Variants in KISS1 observed in about 807,000 individuals in gnomAD.
KISS1 encodes the protein KiSS-1 metastasis suppressor.
For missense variants in KISS1, 182 were observed against 182.7 expected, an observed-to-expected ratio of 1.00 and a Z score of 0.02; for synonymous variants, 97 against 88.7, an observed-to-expected ratio of 1.09 and a Z score of -0.52.
rs916759734 is a variant in KISS1 at position 204,192,036 on chromosome 1, T to C, written c.103+738A>G. ...TGCTCTGGAAGGTCTTATGGGCATA[T>C]ACGATGACATCAAATGTGTAGAGGG... On this transcript the variant is annotated intron_variant, in intron 2 of 2. Coordinates refer to ENST00000367194, the MANE Select transcript of KISS1 (RefSeq NM_002256.4). This position sits in a 1 kb window ranked among gnomAD's most constrained non-coding sequence, Gnocchi z 4.2. Among the ~76,000 whole-genome samples the C allele has an allele frequency of 6.6e-6, 1 of 152,142 alleles. No individual in the cohort carries two copies. Among genetic ancestry groups the C allele is most frequent in the Non-Finnish European group, 1.5e-5 (1 of 68,026 alleles).
intron 1 of KISS1, among the ~76,000 whole-genome samples, chr1:204,194,607 T>G (rs1328443511): frequency 1.3e-5 from 2 of 152,158 alleles, no homozygotes; most frequent in Non-Finnish European, 2.9e-5. Flanking sequence ...CAGCAGATCA[T>G]TTCAAAATAA....
Position 204,190,429 on chromosome 1 carries a change from C to CCCCCCCCCCCCCT in KISS1, c.*54_*55insAGGGGGGGGGGGG. On this transcript the variant is annotated 3_prime_UTR_variant, in exon 3 of 3. Coordinates refer to ENST00000367194, the MANE Select transcript of KISS1 (RefSeq NM_002256.4). ...CTACGTCCCCGCCCCCCGCCCCCGCCCCGCATGCTCTGACTCCTTTGGGGT... is the reference window on the plus strand; with the variant it reads ...CTACGTCCCCGCCCCCCGCCCCCGCCCCCCCCCCCCCCTCCGCATGCTCTGACTCCTTTGGGGT... 2.0e-6 allele frequency: 2 copies of CCCCCCCCCCCCCT among 998,576 alleles called. No individual in the cohort carries two copies. Among genetic ancestry groups the CCCCCCCCCCCCCT allele is most frequent in the South Asian group, 1.4e-5 (1 of 73,308 alleles). The allele number at this position is 998,576 out of a possible 1,614,324, so 61.9% of individuals were successfully genotyped here. A position where few individuals can be genotyped will look rare whatever the true frequency, so the allele number is the denominator to read the frequency against.
chr1:204,190,843 T>C (rs749895457), intron 2 of KISS1, 46 bp from the exon 3 acceptor site: 27 of 1,523,858 alleles, frequency 1.8e-5, no homozygotes, highest in Non-Finnish European at 2.3e-5. Flanking sequence ...CCGGGAAAGA[T>C]GGCTTTGCAA....
chr1:204,195,221 CCATACACATATACACGCAT>C, intron 1 of KISS1, among the ~76,000 whole-genome samples: 1 of 136,400 alleles, frequency 7.3e-6, no homozygotes, highest in Admixed American at 7.3e-5. Context: ...ACGCACACAC[CCATACACATATACACGCAT>C]ACACCCATAC....
At position 204,190,394 on chromosome 1, in the gene KISS1, T is replaced by G; in HGVS notation, c.*90A>C. ...TCGGGTTGGAAGCTCCAGCGCCCCC[T>G]CCCTTAGCCCTACGTCCCCGCCCCC... On this transcript the variant is annotated 3_prime_UTR_variant, in exon 3 of 3. Coordinates refer to ENST00000367194, the MANE Select transcript of KISS1 (RefSeq NM_002256.4). The G allele has an allele frequency of 6.7e-6, 7 of 1,050,602 alleles. No homozygotes were observed. Among genetic ancestry groups the G allele is most frequent in the East Asian group, 2.7e-5 (1 of 37,010 alleles). The allele number at this position is 1,050,602 out of a possible 1,614,324, so 65.1% of individuals were successfully genotyped here.
chr1:204,190,409 T>TGC lies in KISS1; in HGVS notation c.*74_*75insGC. On this transcript the variant is annotated 3_prime_UTR_variant, in exon 3 of 3. Transcript: ENST00000367194. The stretch of plus-strand genomic sequence containing the variant: ...CAGCGCCCCCTCCCTTAGCCCTACG[T>TGC]CCCCGCCCCCCGCCCCCGCCCCGCA... The TGC allele has an allele frequency of 5.3e-5, 30 of 570,034 alleles. 1 individual carries two copies. Among genetic ancestry groups the TGC allele is most frequent in the East Asian group, 1.9e-4 (5 of 26,780 alleles). The allele number at this position is 570,034 out of a possible 1,614,324, so 35.3% of individuals were successfully genotyped here.
chr1:204,193,032 G>A (rs1016715137), intron 1 of KISS1, 118 bp from the exon 2 acceptor site: 1 of 685,932 alleles, frequency 1.5e-6, no homozygotes, highest in African/African-American at 1.8e-5. Flanking sequence ...TCTTGCCTTT[G>A]GAGGCTCCTG....
intron 1 of KISS1, among the ~76,000 whole-genome samples, chr1:204,195,476 T>TATACGCATACAC (rs1658840199): frequency 2.2e-5 from 2 of 92,856 alleles, no homozygotes. Flanking sequence ...CATACACACA[T>TATACGCATACAC]CCATACATAC....
In KISS1 at chr1:204,192,756, T is replaced by TC; in HGVS notation, c.103+17dup. The stretch of plus-strand genomic sequence containing the variant: ...ACCCACTTGCTCCCTCCCACTCCTT[T>TC]CCCCAGAGGATACATACCTGTGGGT... On this transcript the variant is annotated intron_variant, in intron 2 of 2. Coordinates refer to ENST00000367194, the MANE Select transcript of KISS1 (RefSeq NM_002256.4). The surrounding 1 kb of genome is among the most constrained non-coding windows in gnomAD (Gnocchi z 4.2). 2 of 1,513,270 alleles carry TC rather than the reference T, an allele frequency of 1.3e-6. No individual in the cohort carries two copies. The highest frequency in any genetic ancestry group is 9.1e-7 in the Non-Finnish European group (1 of 1,099,310). 93.7% of individuals were successfully genotyped at this position (1,513,270 alleles called of 1,614,324 possible).
At position 204,193,046 on chromosome 1, in the gene KISS1, G is replaced by T. The variant is rs554867835; in HGVS notation, c.-38-132C>A. 3 of 677,322 alleles carry T rather than the reference G, an allele frequency of 4.4e-6. No individual in the cohort carries two copies. In the African/African-American group the frequency reaches 5.3e-5, roughly 12 times the overall value. 42.0% of individuals were successfully genotyped at this position (677,322 alleles called of 1,614,324 possible). A position where few individuals can be genotyped will look rare whatever the true frequency, so the allele number is the denominator to read the frequency against. On this transcript the variant is annotated intron_variant, in intron 1 of 2. Transcript: ENST00000367194. ...TTCTTGCCTTTGGAGGCTCCTGGTAGAGGGATGAGTCTAAACAAATATATC... is the reference window on the plus strand; with the variant it reads ...TTCTTGCCTTTGGAGGCTCCTGGTATAGGGATGAGTCTAAACAAATATATC...
At position 204,190,407 on chromosome 1, in the gene KISS1, C is replaced by CGGGGGGGGGG; in HGVS notation, c.*76_*77insCCCCCCCCCC. On this transcript the variant is annotated 3_prime_UTR_variant, in exon 3 of 3. Transcript: ENST00000367194. ...TCCAGCGCCCCCTCCCTTAGCCCTA[C>CGGGGGGGGGG]GTCCCCGCCCCCCGCCCCCGCCCCG... 1 of 779,254 alleles carries CGGGGGGGGGG rather than the reference C, an allele frequency of 1.3e-6. No homozygotes were observed. The highest frequency in any genetic ancestry group is 2.0e-6 in the Non-Finnish European group (1 of 493,566). The allele number at this position is 779,254 out of a possible 1,614,324, so 48.3% of individuals were successfully genotyped here.
chr1:204,192,804 C>G lies in KISS1; in HGVS notation c.73G>C (p.Val25Leu). 6.3e-7 allele frequency: 1 copy of G among 1,599,652 alleles called. No individual in the cohort carries two copies. Residue 25 changes from valine (V) to leucine (L), a missense_variant, in exon 2 of 3, where the codon GTG becomes CTG. By Grantham distance (32) the Val-to-Leu change is conservative (BLOSUM62 1). Transcript: ENST00000367194. This position sits in a 1 kb window ranked among gnomAD's most constrained non-coding sequence, Gnocchi z 4.2. ...ATHFGEPLEK[V>L]ASVGNSRPTG... ...GGTCTAGAATTCCCCACAGAGGCCA[C>G]CTTTTCTAATGGCTCCCCAAAGTGG...
chr1:204,191,649 G>A (rs867561444), intron 2 of KISS1, among the ~76,000 whole-genome samples: 1 of 152,234 alleles, frequency 6.6e-6, no homozygotes, highest in South Asian at 2.1e-4. Flanking sequence ...ATGTGCTGGG[G>A]CGGCAGTTGG....
Position 204,192,973 on chromosome 1 carries a change from AGG to A in KISS1, c.-38-61_-38-60del. The A allele has an allele frequency of 1.2e-6, 1 of 856,504 alleles. No individual in the cohort carries two copies. The highest frequency in any genetic ancestry group is 1.9e-6 in the Non-Finnish European group (1 of 520,690). The allele number at this position is 856,504 out of a possible 1,614,324, so 53.1% of individuals were successfully genotyped here. On this transcript the variant is annotated intron_variant, in intron 1 of 2. Coordinates refer to ENST00000367194, the MANE Select transcript of KISS1 (RefSeq NM_002256.4). The surrounding 1 kb of genome is among the most constrained non-coding windows in gnomAD (Gnocchi z 4.2). ...GGCACAGGATCTGGGCTGGGTGCTG[AGG>A]GCAGAGCCCAGTGCAAAAGGGACAG...
intron 2 of KISS1, among the ~76,000 whole-genome samples, chr1:204,191,511 G>A (rs1658743125): frequency 6.6e-6 from 1 of 152,214 alleles, no homozygotes; most frequent in Non-Finnish European, 1.5e-5. Context: ...CACATGCAAG[G>A]CTCATTAAGT....
chr1:204,190,940 C>T lies in KISS1; in HGVS notation c.104-143G>A, dbSNP rs1365559504. Reference sequence around the variant, plus strand: ...TCAGTGCCATGCGAACCAGCACGATCACCTTAGCTGGGATGATTAGGCCCT... The same window carrying T: ...TCAGTGCCATGCGAACCAGCACGATTACCTTAGCTGGGATGATTAGGCCCT... On this transcript the variant is annotated intron_variant, in intron 2 of 2. Coordinates refer to ENST00000367194, the MANE Select transcript of KISS1 (RefSeq NM_002256.4). 5.9e-6 allele frequency: 4 copies of T among 677,644 alleles called. No homozygotes were observed. In the African/African-American group the frequency reaches 7.3e-5, roughly 12 times the overall value. 42.0% of individuals were successfully genotyped at this position (677,644 alleles called of 1,614,324 possible). A position where few individuals can be genotyped will look rare whatever the true frequency, so the allele number is the denominator to read the frequency against.
intron 1 of KISS1, among the ~76,000 whole-genome samples, chr1:204,195,731 A>G (rs879352469): frequency 1.6e-4 from 22 of 138,530 alleles, no homozygotes; most frequent in Non-Finnish European, 3.3e-4. Flanking sequence ...ACACACACAC[A>G]CACACACACA....
chr1:204,190,780 G>A lies in KISS1; in HGVS notation c.121C>T (p.Leu41=), dbSNP rs1371758436. The A allele has an allele frequency of 6.2e-7, 1 of 1,611,690 alleles. No homozygotes were observed. Among genetic ancestry groups the A allele is most frequent in the Admixed American group, 1.7e-5 (1 of 59,896 alleles). ...SRPTGQQLES[L]GLLAPGEQSL... ...TGCTCCCCGGGGGCCAGGAGGCCCA[G>A]GGATTCTAGCTGCTGGCCTAGGACA... The change falls in exon 3 of 3, where the codon CTG becomes TTG. Residue 41 remains leucine, a synonymous_variant. Transcript: ENST00000367194.
rs985340475 is a variant in KISS1, at chr1:204,192,978, A to G, written c.-38-64T>C. ...AGGATCTGGGCTGGGTGCTGAGGGC[A>G]GAGCCCAGTGCAAAAGGGACAGTCC... is the stretch of plus-strand genomic sequence containing the variant. On this transcript the variant is annotated intron_variant, in intron 1 of 2. Coordinates refer to ENST00000367194, the MANE Select transcript of KISS1 (RefSeq NM_002256.4). The surrounding 1 kb of genome is among the most constrained non-coding windows in gnomAD (Gnocchi z 4.2). 1 of 823,384 alleles carries G rather than the reference A, an allele frequency of 1.2e-6. No homozygotes were observed. Among genetic ancestry groups the G allele is most frequent in the Non-Finnish European group, 2.0e-6 (1 of 491,286 alleles). 51.0% of individuals were successfully genotyped at this position (823,384 alleles called of 1,614,324 possible). A position where few individuals can be genotyped will look rare whatever the true frequency, so the allele number is the denominator to read the frequency against.
Sources: gnomAD v4.1 joint callset for allele counts (sites outside exome capture counted in the v4.1 genomes callset) on GRCh38, gnomAD v4.1.1 for gene constraint, Gnocchi (gnomAD v3.1) non-coding constraint, MANE v1.5 for transcripts, NCBI Gene and HGNC (gene_info 2026-07-23, HGNC 2026-07-21) for gene names.